Variants in LRRC38 observed in about 807,000 individuals in gnomAD.
LRRC38 encodes leucine rich repeat containing 38, also known as leucine-rich repeat-containing protein 38.
Under a neutral mutation model 16.4 loss-of-function variants are expected in LRRC38, and 5 were observed. The observed-to-expected ratio is 0.31, with a 90% CI of 0.16 to 0.64. The LOEUF is 0.64. Ranked by LOEUF, LRRC38 falls within the 30% of genes least tolerant of loss-of-function variation. The pLI is 0.80. For missense variants in LRRC38, 341 were observed against 401.8 expected (o/e 0.85, Z 1.29); for synonymous variants, 191 against 190.2 (o/e 1.00, Z -0.04).
intron 1 of LRRC38, among the ~76,000 whole-genome samples, chr1:13,493,820 T>G (rs1639048090): frequency 6.6e-6 from 1 of 152,190 alleles, no homozygotes; most frequent in Admixed American, 6.5e-5. Flanking sequence ...ATCCCAGCAC[T>G]TTGGGAGGCT....
Position 13,513,544 on chromosome 1 carries a change from C to T in LRRC38, c.50G>A (p.Ser17Asn), listed in dbSNP as rs1022305863. 2 of 1,279,268 alleles carry T rather than the reference C, an allele frequency of 1.6e-6. No homozygotes were observed. The highest frequency in any genetic ancestry group is 3.0e-5 in the South Asian group (1 of 33,670). 79.2% of individuals were successfully genotyped at this position (1,279,268 alleles called of 1,614,324 possible). A position where few individuals can be genotyped will look rare whatever the true frequency, so the allele number is the denominator to read the frequency against. ...CCCGGGCGCGAGCAGCAGCAGAAGG[C>T]TGCAGAGCCCGAGCGCCGCGGCGGC... The part of the protein sequence containing the change: ...ACAAAALGLC[S>N]LLLLLAPGHA... The change falls in exon 1 of 2, where the codon AGC (serine) becomes AAC (asparagine). Residue 17 changes from serine to asparagine, a missense_variant. Coordinates refer to ENST00000376085, the MANE Select transcript of LRRC38 (RefSeq NM_001010847.2).
At chr1:13,478,860 T>C (rs80275066) in intron 1 of LRRC38, among the ~76,000 whole-genome samples, 4 of 152,210 alleles carry the variant, frequency 2.6e-5, no homozygotes, top group East Asian at 1.9e-4. Context: ...CCATCTTTTA[T>C]GTAGTCTACA....
intron 1 of LRRC38, among the ~76,000 whole-genome samples, chr1:13,480,284 G>A (rs549957616): frequency 2.2e-4 from 34 of 152,350 alleles, no homozygotes; most frequent in African/African-American, 7.0e-4. Flanking sequence ...GGTAGAGGCT[G>A]CAGTGAGCCG....
chr1:13,507,706 C>T (rs1386462630), intron 1 of LRRC38, among the ~76,000 whole-genome samples: 1 of 152,196 alleles, frequency 6.6e-6, no homozygotes, highest in African/African-American at 2.4e-5. Context: ...GTGGCAGGCG[C>T]CTATAATCCC....
At chr1:13,483,337 A>G (rs1241419983) in intron 1 of LRRC38, among the ~76,000 whole-genome samples, 1 of 151,972 alleles carries the variant, frequency 6.6e-6, no homozygotes, top group African/African-American at 2.4e-5. Context: ...TTTTTAGTAG[A>G]GATGGGGTTT....
At chr1:13,497,760 G>A (rs578140356) in intron 1 of LRRC38, among the ~76,000 whole-genome samples, 2 of 152,050 alleles carry the variant, frequency 1.3e-5, no homozygotes, top group Admixed American at 1.3e-4. Context: ...CAGATCACCT[G>A]AGACCAGCCT....
At chr1:13,492,085 G>A (rs1368612825) in intron 1 of LRRC38, among the ~76,000 whole-genome samples, 6 of 152,054 alleles carry the variant, frequency 3.9e-5, no homozygotes, top group African/African-American at 1.4e-4. Context: ...TTCCCAAACT[G>A]AAACTCTGTC....
Position 13,500,988 on chromosome 1 carries a change from C to T in LRRC38, c.631+11975G>A, listed in dbSNP as rs988854214. Among the ~76,000 whole-genome samples the T allele has an allele frequency of 9.9e-5, 15 of 152,038 alleles. No individual in the cohort carries two copies. The South Asian group carries it at 1.0e-3, about 11-fold the overall frequency. ...AAACTATTCTGCGTGATTCTATGATCGTGAAGGATTACATGACGTAATCCC... is the reference window on the plus strand; with the variant it reads ...AAACTATTCTGCGTGATTCTATGATTGTGAAGGATTACATGACGTAATCCC... On this transcript the variant is annotated intron_variant, in intron 1 of 1. Transcript: ENST00000376085.
intron 1 of LRRC38, among the ~76,000 whole-genome samples, chr1:13,502,729 C>T (rs901183835): frequency 2.3e-4 from 35 of 152,302 alleles, no homozygotes; most frequent in African/African-American, 7.9e-4. Context: ...TCGATCCTCT[C>T]GACAAACCTC....
rs1638778884 is a variant in LRRC38 at position 13,475,774 on chromosome 1, C to T, written c.*72G>A. On this transcript the variant is annotated 3_prime_UTR_variant, in exon 2 of 2. Transcript: ENST00000376085. This position sits in a 1 kb window ranked among gnomAD's most constrained non-coding sequence, Gnocchi z 4.3. ...GTGGCCAGTGCTTTTCCATTTTCAG[C>T]ATTTCCCTCTCGTCTTGGAGAGAGC... 1.3e-6 allele frequency: 2 copies of T among 1,509,344 alleles called. No homozygotes were observed. Among genetic ancestry groups the T allele is most frequent in the Non-Finnish European group, 8.9e-7 (1 of 1,125,248 alleles). 93.5% of individuals were successfully genotyped at this position (1,509,344 alleles called of 1,614,324 possible).
At chr1:13,476,473 T>G (rs1240972095) in intron 1 of LRRC38, among the ~76,000 whole-genome samples, 1 of 151,998 alleles carries the variant, frequency 6.6e-6, no homozygotes, top group Non-Finnish European at 1.5e-5. Flanking sequence ...GGATTACAGG[T>G]GTGCACCGCC....
intron 1 of LRRC38, among the ~76,000 whole-genome samples, chr1:13,482,740 C>T (rs1188523226): frequency 6.6e-6 from 1 of 152,130 alleles, no homozygotes; most frequent in Non-Finnish European, 1.5e-5. Flanking sequence ...TCCTACCTGA[C>T]CTTGGAATGT....
At chr1:13,482,808 C>T (rs939360383) in intron 1 of LRRC38, among the ~76,000 whole-genome samples, 3 of 152,176 alleles carry the variant, frequency 2.0e-5, no homozygotes, top group Non-Finnish European at 4.4e-5. Flanking sequence ...GAAGGAAAGC[C>T]AATACTTCAC....
intron 1 of LRRC38, among the ~76,000 whole-genome samples, chr1:13,489,357 C>G (rs1181676345): frequency 6.6e-6 from 1 of 152,204 alleles, no homozygotes; most frequent in Non-Finnish European, 1.5e-5. Context: ...TGGCCTTTCA[C>G]GCCCACAGCC....
At chr1:13,499,538 G>T (rs1309061354) in intron 1 of LRRC38, among the ~76,000 whole-genome samples, 4 of 152,166 alleles carry the variant, frequency 2.6e-5, no homozygotes, top group African/African-American at 9.7e-5. Context: ...TTCCTTGCAG[G>T]AATTTGCTTC....
intron 1 of LRRC38, among the ~76,000 whole-genome samples, chr1:13,495,039 G>C (rs1639065939): frequency 6.6e-6 from 1 of 152,202 alleles, no homozygotes; most frequent in Admixed American, 6.5e-5. Context: ...CCTAAAGCAG[G>C]AGCCATGGAC....
At position 13,513,355 on chromosome 1, in the gene LRRC38, C is replaced by T; in HGVS notation, c.239G>A (p.Gly80Asp). The T allele has an allele frequency of 6.4e-7, 1 of 1,550,844 alleles. No individual in the cohort carries two copies. The highest frequency in any genetic ancestry group is 1.2e-5 in the South Asian group (1 of 84,062). ...RIPEDFFIFY[G>D]DLVYLDFRNN... ...CCTGAAGTCCAGGTAGACCAGGTCG[C>T]CGTAGAAGATGAAGAAGTCCTCGGG... The change falls in exon 1 of 2, where the codon GGC becomes GAC. Residue 80 changes from glycine to aspartate, a missense_variant. By Grantham distance (94) the Gly-to-Asp change is moderately conservative. Transcript: ENST00000376085.
intron 1 of LRRC38, among the ~76,000 whole-genome samples, chr1:13,501,202 G>C (rs1009395657): frequency 6.6e-6 from 1 of 151,756 alleles, no homozygotes; most frequent in African/African-American, 2.4e-5. Context: ...TATGTGGCAT[G>C]CTAATATATA....
At chr1:13,480,087 G>A (rs563543839) in intron 1 of LRRC38, among the ~76,000 whole-genome samples, 22 of 152,366 alleles carry the variant, frequency 1.4e-4, no homozygotes, top group Admixed American at 1.4e-3. Context: ...GCTCATGCCT[G>A]TAATCCCAGC....
Sources: gnomAD v4.1 joint callset for allele counts (sites outside exome capture counted in the v4.1 genomes callset) on GRCh38, gnomAD v4.1.1 for gene constraint, Gnocchi (gnomAD v3.1) non-coding constraint, MANE v1.5 for transcripts, NCBI Gene and HGNC (gene_info 2026-07-23, HGNC 2026-07-21) for gene names.